IGHMBP2: variants seen among roughly 807,000 people sequenced by gnomAD.
The protein encoded by IGHMBP2 is immunoglobulin mu DNA binding protein 2, also known as DNA-binding protein SMUBP-2.
IGHMBP2 carries 81 observed loss-of-function variants against 96.0 expected under a neutral mutation model. That is an observed-to-expected ratio of 0.84 (90% CI 0.71 to 1.01). The LOEUF (loss-of-function observed/expected upper bound fraction) is 1.01, where lower values mean the gene tolerates loss of function less well. IGHMBP2 is among the 50% of genes least tolerant of loss of function. IGHMBP2 has a pLI of 0.00. For synonymous variants in IGHMBP2, 557 were observed against 548.9 expected (o/e 1.01, Z -0.21); for missense variants, 1,227 against 1,306.3 (o/e 0.94, Z 0.94).
intron 7 of IGHMBP2, among the ~76,000 whole-genome samples, chr11:68,927,643 G>A (rs558608327): frequency 3.6e-4 from 54 of 152,094 alleles, no homozygotes; most frequent in Admixed American, 2.0e-4. Context: ...CATTTGCTCC[G>A]ACCATTATTC....
intron 10 of IGHMBP2, 80 bp downstream of exon 10, chr11:68,933,993 C>CTTT: frequency 9.9e-7 from 1 of 1,014,728 alleles, no homozygotes; most frequent in Non-Finnish European, 1.5e-6. Context: ...CTTTAATTGC[C>CTTT]TAATTCCGGG....
At chr11:68,923,734 G>A (rs1005153350) in intron 7 of IGHMBP2, among the ~76,000 whole-genome samples, 1 of 152,118 alleles carries the variant, frequency 6.6e-6, no homozygotes, top group Non-Finnish European at 1.5e-5. Flanking sequence ...CCTTGTGTGA[G>A]CACTGGGCAC....
At chr11:68,928,509 AT>A (rs1859153542) in intron 7 of IGHMBP2, among the ~76,000 whole-genome samples, 1 of 152,210 alleles carries the variant, frequency 6.6e-6, no homozygotes, top group South Asian at 2.1e-4. Context: ...CATTGATCAC[AT>A]TTATGGAAAC....
Position 68,911,466 on chromosome 11 carries a change from C to G in IGHMBP2, c.574C>G (p.Leu192Val). The change falls in exon 5 of 15, where the codon CTG (leucine) becomes GTG (valine). Residue 192 changes from leucine (L) to valine (V), a missense_variant. Coordinates refer to ENST00000255078, the MANE Select transcript of IGHMBP2 (RefSeq NM_002180.3). Reference protein sequence around the residue: ...IHPLTFFNTCLDTSQKEAVLF... With the variant: ...IHPLTFFNTCVDTSQKEAVLF... ...CCCGCTGACATTCTTCAACACCTGC[C>G]TGGACACCTCCCAGAAAGAAGCGGT... 1 of 1,614,124 alleles carries G rather than the reference C, an allele frequency of 6.2e-7. No individual in the cohort carries two copies. Among genetic ancestry groups the G allele is most frequent in the Non-Finnish European group, 8.5e-7 (1 of 1,180,028 alleles).
chr11:68,911,507 T>C lies in IGHMBP2; in HGVS notation c.615T>C (p.Ser205=). ...SQKEAVLFAL[S]QKELAIIHGP... ...AAGAAGCGGTTTTATTTGCGCTGTCTCAGAAAGAACTTGCCATCATCCATG... is the reference window on the plus strand; with the variant it reads ...AAGAAGCGGTTTTATTTGCGCTGTCCCAGAAAGAACTTGCCATCATCCATG... Residue 205 remains serine, a synonymous_variant, in exon 5 of 15, where the codon TCT becomes TCC. Coordinates refer to ENST00000255078, the MANE Select transcript of IGHMBP2 (RefSeq NM_002180.3). The C allele has an allele frequency of 6.2e-7, 1 of 1,614,100 alleles. No individual in the cohort carries two copies. The highest frequency in any genetic ancestry group is 8.5e-7 in the Non-Finnish European group (1 of 1,179,988).
intron 7 of IGHMBP2, among the ~76,000 whole-genome samples, chr11:68,919,698 G>A (rs1489514509): frequency 2.6e-5 from 4 of 152,160 alleles, no homozygotes; most frequent in Non-Finnish European, 5.9e-5. Context: ...GGACATGTCT[G>A]TTTTTCCTGC....
rs1347323819 is a variant in IGHMBP2 at position 68,917,873 on chromosome 11, A to G, written c.1050A>G (p.Ala350=). The change falls in exon 7 of 15, where the codon GCA becomes GCG. Residue 350 remains alanine (A), a synonymous_variant. Transcript: ENST00000255078. ...ESLTSANVVL[A]TNTGASADGP... ...TCACTTCGGCAAACGTGGTCCTTGC[A>G]ACAAACACAGGTGAGGGGGCGTCTC... The G allele has an allele frequency of 1.2e-6, 2 of 1,613,974 alleles. No individual in the cohort carries two copies. The highest frequency in any genetic ancestry group is 1.7e-6 in the Non-Finnish European group (2 of 1,180,012).
intron 7 of IGHMBP2, 107 bp downstream of exon 7, chr11:68,917,990 T>A: frequency 7.6e-7 from 1 of 1,312,104 alleles, no homozygotes; most frequent in Non-Finnish European, 1.1e-6. Flanking sequence ...ATTTCTTTCT[T>A]AAAAGTTGGG....
rs1173588750 is a variant in IGHMBP2, at chr11:68,930,562, G to T, written c.1235+1205G>T. The T allele has an allele frequency of 1.2e-5, 14 of 1,173,604 alleles. No individual in the cohort carries two copies. The African/African-American group carries it at 2.2e-4, about 19-fold the overall frequency. 72.7% of individuals were successfully genotyped at this position (1,173,604 alleles called of 1,614,324 possible). On this transcript the variant is annotated intron_variant, in intron 8 of 14. Transcript: ENST00000255078. ...GCTCTGAAAGATCGTCCTGGTGGGAGACACATGGGGATCTAGAGTGGAAAT... is the reference window on the plus strand; with the variant it reads ...GCTCTGAAAGATCGTCCTGGTGGGATACACATGGGGATCTAGAGTGGAAAT...
At chr11:68,927,153 A>G (rs1363629753) in intron 7 of IGHMBP2, among the ~76,000 whole-genome samples, 1 of 152,176 alleles carries the variant, frequency 6.6e-6, no homozygotes, top group Non-Finnish European at 1.5e-5. Flanking sequence ...TTGAAAATGG[A>G]TGATTTTAAA....
chr11:68,928,921 C>T (rs1235379081), intron 7 of IGHMBP2, among the ~76,000 whole-genome samples: 1 of 152,236 alleles, frequency 6.6e-6, no homozygotes, highest in Non-Finnish European at 1.5e-5. Context: ...GGGGTCACAG[C>T]CCCGAAGGGG....
chr11:68,903,966 C>T lies in IGHMBP2; in HGVS notation c.14C>T (p.Ala5Val), dbSNP rs1858065165. 1 of 1,559,822 alleles carries T rather than the reference C, an allele frequency of 6.4e-7. No homozygotes were observed. The highest frequency in any genetic ancestry group is 1.7e-4 in the Middle Eastern group (1 of 5,984). MASAAVESFVTKQLD... is the reference protein window; with the variant it reads MASAVVESFVTKQLD... ...CCGGCGGCGGCGATGGCCTCGGCAG[C>T]TGTGGAGAGCTTCGTGACCAAGCAA... The change falls in exon 1 of 15, where the codon GCT (alanine) becomes GTT (valine). Residue 5 changes from alanine (A) to valine (V), a missense_variant. Physicochemically the swap from Ala to Val is moderately conservative, Grantham distance 64. Coordinates refer to ENST00000255078, the MANE Select transcript of IGHMBP2 (RefSeq NM_002180.3).
intron 14 of IGHMBP2, 38 bp from the exon 15 acceptor site, chr11:68,939,496 C>T (rs1462326081): frequency 6.2e-7 from 1 of 1,607,946 alleles, no homozygotes; most frequent in Non-Finnish European, 8.5e-7. Context: ...GCCTCCTTGC[C>T]CCTGTGAGCC....
At chr11:68,911,878 C>T (rs1415831263) in intron 5 of IGHMBP2, among the ~76,000 whole-genome samples, 1 of 152,224 alleles carries the variant, frequency 6.6e-6, no homozygotes, top group Non-Finnish European at 1.5e-5. Context: ...GGCCCTGGGT[C>T]AGGGTTTATT....
At chr11:68,931,882 G>T (rs1024935128) in intron 8 of IGHMBP2, among the ~76,000 whole-genome samples, 1 of 151,966 alleles carries the variant, frequency 6.6e-6, no homozygotes, top group Non-Finnish European at 1.5e-5. Context: ...GGATGGTTTC[G>T]GGGGAAGACG....
Position 68,934,573 on chromosome 11 carries a change from T to C in IGHMBP2, c.1632+15T>C. The stretch of plus-strand genomic sequence containing the variant: ...ACAACCTCCAGGTACGAGGGTTTCC[T>C]TTTGTCCCTCTACAGAGCAGCTGGG... On this transcript the variant is annotated intron_variant, in intron 11 of 14. Coordinates refer to ENST00000255078, the MANE Select transcript of IGHMBP2 (RefSeq NM_002180.3). The C allele has an allele frequency of 6.3e-7, 1 of 1,582,674 alleles. No individual in the cohort carries two copies. The highest frequency in any genetic ancestry group is 1.1e-5 in the South Asian group (1 of 88,672).
chr11:68,913,111 C>T (rs1566428511), intron 5 of IGHMBP2, among the ~76,000 whole-genome samples: 1 of 149,308 alleles, frequency 6.7e-6, no homozygotes, highest in Non-Finnish European at 1.5e-5. Flanking sequence ...GTCAAATGCC[C>T]AGCACTCAGA....
At chr11:68,908,901 C>T (rs1254990612) in intron 4 of IGHMBP2, among the ~76,000 whole-genome samples, 9 of 146,200 alleles carry the variant, frequency 6.2e-5, no homozygotes, top group Admixed American at 2.8e-4. Context: ...AGTGCAGTGG[C>T]GCGATCTCAG....
intron 8 of IGHMBP2, chr11:68,930,539 T>C (rs1476939580): frequency 4.1e-6 from 5 of 1,226,696 alleles, no homozygotes; most frequent in Non-Finnish European, 5.2e-6. Context: ...GGAAAGGTGC[T>C]CTGAAAGATC....
Sources: gnomAD v4.1 joint callset for allele counts (sites outside exome capture counted in the v4.1 genomes callset) on GRCh38, gnomAD v4.1.1 for gene constraint, MANE v1.5 for transcripts, NCBI Gene and HGNC (gene_info 2026-07-23, HGNC 2026-07-21) for gene names.